UGT2A3: variants seen among roughly 807,000 people sequenced by gnomAD.
The protein encoded by UGT2A3 is UDP glucuronosyltransferase family 2 member A3.
UGT2A3 carries 55 observed loss-of-function variants against 44.1 expected under a neutral mutation model. The observed-to-expected ratio is 1.25, with a 90% CI of 1.00 to 1.56. The LOEUF is 1.56. UGT2A3 is among the 40% of genes most tolerant of loss of function. The probability of loss-of-function intolerance (pLI) is 0.00; values close to 1 mark genes in which losing one functional copy is unlikely to be tolerated. For missense variants in UGT2A3, 733 were observed against 621.6 expected, an observed-to-expected ratio of 1.18 and a Z score of -1.91; for synonymous variants, 243 against 215.1, an observed-to-expected ratio of 1.13 and a Z score of -1.13.
intron 2 of UGT2A3, chr4:68,943,441 C>T (rs967098157): frequency 3.0e-6 from 2 of 667,624 alleles, no homozygotes; most frequent in Non-Finnish European, 2.1e-6. Flanking sequence ...ACACATCTTA[C>T]TATAAAACCA....
At chr4:68,948,439 C>CTTTTTTTTTTTTTTTTT (rs60082800) in intron 1 of UGT2A3, among the ~76,000 whole-genome samples, 1 of 110,152 alleles carries the variant, frequency 9.1e-6, no homozygotes, top group African/African-American at 3.9e-5. Flanking sequence ...TCTTTTTTTT[C>CTTTTTTTTTTTTTTTTT]TTTTTTTTTT....
In UGT2A3 at chr4:68,935,288, A is replaced by G. The variant is rs1449689486; in HGVS notation, c.865-2529T>C. Among the ~76,000 whole-genome samples the G allele has an allele frequency of 5.1e-3, 394 of 76,884 alleles. 18 individuals are homozygous for G. In the East Asian group the frequency reaches 0.067, roughly 13 times the overall value. 50.4% of individuals were successfully genotyped at this position (76,884 alleles called of 152,430 possible). ...TGTATGTATGTATGTATATATATAT[A>G]TATATATATATATATATATATATAT... On this transcript the variant is annotated intron_variant, in intron 2 of 5. Transcript: ENST00000251566.
intron 1 of UGT2A3, 68 bp from the exon 2 acceptor site, chr4:68,945,522 C>A: frequency 2.9e-6 from 4 of 1,389,018 alleles, no homozygotes; most frequent in Non-Finnish European, 3.9e-6. Flanking sequence ...ACTAATTTTT[C>A]AGTAAGCTAT....
At chr4:68,939,684 G>A (rs373864707) in intron 2 of UGT2A3, among the ~76,000 whole-genome samples, 40 of 152,044 alleles carry the variant, frequency 2.6e-4, no homozygotes, top group South Asian at 8.3e-4. Context: ...AACAAAAGCC[G>A]AAATTGACAA....
intron 1 of UGT2A3, among the ~76,000 whole-genome samples, chr4:68,946,767 A>T (rs1718398588): frequency 6.6e-6 from 1 of 151,684 alleles, no homozygotes; most frequent in Admixed American, 6.6e-5. Context: ...GAGATATTGC[A>T]AGATAAGTTG....
At chr4:68,942,063 C>T (rs771761763) in intron 2 of UGT2A3, among the ~76,000 whole-genome samples, 9 of 151,598 alleles carry the variant, frequency 5.9e-5, no homozygotes, top group Admixed American at 2.6e-4. Context: ...GTAAGGAAAA[C>T]GGTATGGTAG....
chr4:68,929,952 G>C lies in UGT2A3; in HGVS notation c.1445C>G (p.Thr482Ser). ...ATCTATAGAGTAGTGCTGGAACCAG[G>C]TGAGGTCATGGGCAGCTGATCGCAG... The part of the protein sequence containing the change: ...KHLRSAAHDL[T>S]WFQHYSIDVI... Residue 482 changes from threonine (T) to serine (S), a missense_variant, in exon 6 of 6, where the codon ACC becomes AGC. By Grantham distance (58) the Thr-to-Ser change is moderately conservative. Transcript: ENST00000251566. The C allele has an allele frequency of 6.2e-7, 1 of 1,613,640 alleles. No individual in the cohort carries two copies. The highest frequency in any genetic ancestry group is 1.3e-5 in the African/African-American group (1 of 75,022).
intron 2 of UGT2A3, among the ~76,000 whole-genome samples, chr4:68,937,817 AG>A (rs1390481588): frequency 6.6e-6 from 1 of 152,138 alleles, no homozygotes; most frequent in Non-Finnish European, 1.5e-5. Flanking sequence ...ACCACTAGCA[AG>A]ACAAATAAAG....
intron 2 of UGT2A3, among the ~76,000 whole-genome samples, chr4:68,940,674 A>G (rs1718150534): frequency 6.6e-6 from 1 of 150,466 alleles, no homozygotes; most frequent in African/African-American, 2.4e-5. Flanking sequence ...CTGCACATGT[A>G]CCCTTGAACT....
chr4:68,937,524 A>G (rs572027282), intron 2 of UGT2A3, among the ~76,000 whole-genome samples: 83 of 119,244 alleles, frequency 7.0e-4, no homozygotes, highest in African/African-American at 2.1e-3. Flanking sequence ...GAGAACAAAG[A>G]TACGAAGTAC....
chr4:68,936,887 G>GC (rs1553901545), intron 2 of UGT2A3, among the ~76,000 whole-genome samples: 1 of 7,588 alleles, frequency 1.3e-4, no homozygotes, highest in African/African-American at 3.1e-4. Flanking sequence ...TAAATGGAAA[G>GC]CAAAAAAAAA....
At chr4:68,931,685 A>G (rs6858371) in intron 3 of UGT2A3, among the ~76,000 whole-genome samples, 140,590 of 151,950 alleles carry the variant, frequency 0.93, 65,612 homozygotes, top group Non-Finnish European at 0.99. Flanking sequence ...TTGGATAATC[A>G]GGTGTCTTTT....
Position 68,929,742 on chromosome 4 carries a change from T to A in UGT2A3, c.*71A>T. On this transcript the variant is annotated 3_prime_UTR_variant, in exon 6 of 6. Coordinates refer to ENST00000251566, the MANE Select transcript of UGT2A3 (RefSeq NM_024743.4). ...AATAGATAATATGAAAATAGCAAGG[T>A]TTTCACCAAATTCTATGTGGCTGGA... is the stretch of plus-strand genomic sequence containing the variant. 7.3e-7 allele frequency: 1 copy of A among 1,367,556 alleles called. No homozygotes were observed. Among genetic ancestry groups the A allele is most frequent in the Admixed American group, 2.3e-5 (1 of 44,202 alleles). The allele number at this position is 1,367,556 out of a possible 1,614,324, so 84.7% of individuals were successfully genotyped here. A position where few individuals can be genotyped will look rare whatever the true frequency, so the allele number is the denominator to read the frequency against.
chr4:68,941,765 A>G (rs1206540180), intron 2 of UGT2A3, among the ~76,000 whole-genome samples: 2 of 151,952 alleles, frequency 1.3e-5, no homozygotes, highest in Admixed American at 6.6e-5. Flanking sequence ...TCAAATATAC[A>G]TAGAAGTCAC....
intron 1 of UGT2A3, 85 bp downstream of exon 1, chr4:68,950,961 A>G (rs975172020): frequency 1.1e-6 from 1 of 930,362 alleles, no homozygotes; most frequent in Non-Finnish European, 1.5e-6. Context: ...ATTGACCTGC[A>G]TATATATGTC....
intron 2 of UGT2A3, among the ~76,000 whole-genome samples, chr4:68,937,231 A>G (rs959800485): frequency 1.3e-5 from 2 of 152,054 alleles, no homozygotes; most frequent in Non-Finnish European, 2.9e-5. Flanking sequence ...GACATTTACT[A>G]AACTCTCCAC....
chr4:68,936,222 G>C (rs1422284035), intron 2 of UGT2A3, among the ~76,000 whole-genome samples: 2 of 152,040 alleles, frequency 1.3e-5, no homozygotes, highest in African/African-American at 4.8e-5. Flanking sequence ...ACACCACAAA[G>C]ATATTCCTTG....
rs1253567458 is a variant in UGT2A3 at position 68,929,945 on chromosome 4, G to C, written c.1452C>G (p.Phe484Leu). The C allele has an allele frequency of 1.9e-6, 3 of 1,613,616 alleles. No homozygotes were observed. Among genetic ancestry groups the C allele is most frequent in the Non-Finnish European group, 2.5e-6 (3 of 1,179,674 alleles). Reference sequence around the variant, plus strand: ...CAATCACATCTATAGAGTAGTGCTGGAACCAGGTGAGGTCATGGGCAGCTG... The same window carrying C: ...CAATCACATCTATAGAGTAGTGCTGCAACCAGGTGAGGTCATGGGCAGCTG... The part of the protein sequence containing the change: ...LRSAAHDLTW[F>L]QHYSIDVIGF... The change falls in exon 6 of 6, where the codon TTC becomes TTG. Residue 484 changes from phenylalanine to leucine, a missense_variant. Phe to Leu is a conservative substitution (Grantham distance 22). Coordinates refer to ENST00000251566, the MANE Select transcript of UGT2A3 (RefSeq NM_024743.4).
chr4:68,950,871 TAAG>T (rs1433697279), intron 1 of UGT2A3, among the ~76,000 whole-genome samples, 172 bp downstream of exon 1: 1 of 151,878 alleles, frequency 6.6e-6, no homozygotes, highest in Non-Finnish European at 1.5e-5. Context: ...TTACTGGTAT[TAAG>T]AAAGTAGGTT....
Sources: allele counts gnomAD v4.1 joint callset (sites outside exome capture counted in the v4.1 genomes callset), GRCh38; gene constraint gnomAD v4.1.1; transcripts MANE v1.5; gene names NCBI Gene and HGNC (gene_info 2026-07-23, HGNC 2026-07-21).